The following FKBP4 variants were observed in gnomAD, a reference collection of about 807,000 sequenced individuals.
FKBP4 encodes FKBP prolyl isomerase 4.
FKBP4 carries 28 observed loss-of-function variants against 54.1 expected under a neutral mutation model. The observed-to-expected ratio is 0.52, with a 90% CI of 0.38 to 0.71. The LOEUF (loss-of-function observed/expected upper bound fraction) is 0.71, where lower values mean the gene tolerates loss of function less well. FKBP4 is among the 30% of genes least tolerant of loss of function. The probability of loss-of-function intolerance (pLI) is 0.00; values close to 1 mark genes in which losing one functional copy is unlikely to be tolerated. For missense variants in FKBP4, 493 were observed against 574.4 expected, an observed-to-expected ratio of 0.86 and a Z score of 1.45; for synonymous variants, 223 against 216.1, an observed-to-expected ratio of 1.03 and a Z score of -0.28.
rs756497175 is a variant in FKBP4 at position 2,800,121 on chromosome 12, A to G, written c.845A>G (p.Lys282Arg). 3.1e-6 allele frequency: 5 copies of G among 1,613,018 alleles called. No homozygotes were observed. The East Asian group carries it at 1.1e-4, about 36-fold the overall frequency. Residue 282 changes from lysine to arginine, a missense_variant and splice_region_variant, in exon 7 of 10, where the codon AAG (lysine) becomes AGG (arginine). Lys to Arg is a conservative substitution (Grantham distance 26, BLOSUM62 2). Coordinates refer to ENST00000001008, the MANE Select transcript of FKBP4 (RefSeq NM_002014.4). ...IVKERGTVYF[K>R]EGKYKQALLQ... ...AAAGAGCGGGGCACTGTGTACTTCA[A>G]GGTGAGCCAACAGTCATTGTCCTAA...
intron 1 of FKBP4, chr12:2,796,678 C>G: frequency 9.2e-7 from 1 of 1,086,268 alleles, no homozygotes; most frequent in South Asian, 2.5e-5. Context: ...GCTCTCCTGT[C>G]TCCAAACCAG....
At position 2,795,178 on chromosome 12, in the gene FKBP4, G is replaced by T. The variant is rs370568362; in HGVS notation, c.39G>T (p.Ala13=). 2.0e-5 allele frequency: 26 copies of T among 1,318,754 alleles called. No individual in the cohort carries two copies. The African/African-American group carries it at 3.6e-4, about 18-fold the overall frequency. The allele number at this position is 1,318,754 out of a possible 1,614,324, so 81.7% of individuals were successfully genotyped here. ...AGATGAAGGCGACCGAGAGCGGGGCGCAGTCGGCGCCGCTGCCCATGGAGG... is the reference window on the plus strand; with the variant it reads ...AGATGAAGGCGACCGAGAGCGGGGCTCAGTCGGCGCCGCTGCCCATGGAGG... ...AEEMKATESG[A]QSAPLPMEGV... Residue 13 remains alanine (A), a synonymous_variant, in exon 1 of 10, where the codon GCG becomes GCT. Transcript: ENST00000001008. This position sits in a 1 kb window ranked among gnomAD's most constrained non-coding sequence, Gnocchi z 4.3.
chr12:2,795,921 TGTA>T lies in FKBP4; in HGVS notation c.105+680_105+682del. ...GCCGGGCGCGGGGCATGCCGGGAGC[TGTA>T]GTCCCCTCCCCCCTCCGCCGCCTCC... On this transcript the variant is annotated intron_variant, in intron 1 of 9. Coordinates refer to ENST00000001008, the MANE Select transcript of FKBP4 (RefSeq NM_002014.4). This position sits in a 1 kb window ranked among gnomAD's most constrained non-coding sequence, Gnocchi z 4.3. 4 of 1,002,060 alleles carry T rather than the reference TGTA, an allele frequency of 4.0e-6. No individual in the cohort carries two copies. In the South Asian group the frequency reaches 1.6e-4, roughly 39 times the overall value. The allele number at this position is 1,002,060 out of a possible 1,614,324, so 62.1% of individuals were successfully genotyped here. A position where few individuals can be genotyped will look rare whatever the true frequency, so the allele number is the denominator to read the frequency against.
At chr12:2,799,014 G>C (rs2153919763) in intron 4 of FKBP4, 74 bp from the exon 5 acceptor site, 1 of 1,484,840 alleles carries the variant, frequency 6.7e-7, no homozygotes. Context: ...GGGTGATGCA[G>C]GGAGGCTGAT....
rs192048103 is a variant in FKBP4 at position 2,798,185 on chromosome 12, T to C, written c.393+314T>C. 1.3e-5 allele frequency among the ~76,000 whole-genome samples: 2 copies of C among 152,346 alleles called. No individual in the cohort carries two copies. Among genetic ancestry groups the C allele is most frequent in the East Asian group, 1.9e-4 (1 of 5,186 alleles). ...GGATGTCAGAAACTATGTCCCGTTA[T>C]AAATGGCAGTACAGAATATTGGTGC... is the stretch of plus-strand genomic sequence containing the variant. On this transcript the variant is annotated intron_variant, in intron 3 of 9. Coordinates refer to ENST00000001008, the MANE Select transcript of FKBP4 (RefSeq NM_002014.4). This position sits in a 1 kb window ranked among gnomAD's most constrained non-coding sequence, Gnocchi z 4.3.
rs559834421 is a variant in FKBP4, at chr12:2,804,973, T to C, written c.*1715T>C. 1.0e-5 allele frequency: 3 copies of C among 299,114 alleles called. No individual in the cohort carries two copies. The highest frequency in any genetic ancestry group is 6.6e-6 in the Non-Finnish European group (1 of 151,882). The allele number at this position is 299,114 out of a possible 1,614,324, so 18.5% of individuals were successfully genotyped here. On this transcript the variant is annotated 3_prime_UTR_variant, in exon 10 of 10. Transcript: ENST00000001008. ...CTGGGCTTACCTCACATCACAGCCC[T>C]GTGTTTGTGGTTTGTGTCTGGGTCC...
Position 2,805,226 on chromosome 12 carries a change from ACT to A in FKBP4, c.*1972_*1973del, listed in dbSNP as rs1322947585. ...AGGTGAGGTCTCTGAACTAATCCAG[ACT>A]CTCCCATGAGGTTCCTTTGGCAAGT... On this transcript the variant is annotated 3_prime_UTR_variant, in exon 10 of 10. Coordinates refer to ENST00000001008, the MANE Select transcript of FKBP4 (RefSeq NM_002014.4). 1 of 454,856 alleles carries A rather than the reference ACT, an allele frequency of 2.2e-6. No individual in the cohort carries two copies. The highest frequency in any genetic ancestry group is 2.0e-5 in the African/African-American group (1 of 50,018). The allele number at this position is 454,856 out of a possible 1,614,324, so 28.2% of individuals were successfully genotyped here. A position where few individuals can be genotyped will look rare whatever the true frequency, so the allele number is the denominator to read the frequency against.
rs781562456 is a variant in FKBP4 at position 2,799,262 on chromosome 12, C to T, written c.671+18C>T. ...AAGCCCAGGTGAGGGGTGGGCACTTCGTAGGGTAGGCAGGCAGGCAAACCA... is the reference window on the plus strand; with the variant it reads ...AAGCCCAGGTGAGGGGTGGGCACTTTGTAGGGTAGGCAGGCAGGCAAACCA... On this transcript the variant is annotated intron_variant, in intron 5 of 9. Coordinates refer to ENST00000001008, the MANE Select transcript of FKBP4 (RefSeq NM_002014.4). The T allele has an allele frequency of 1.7e-5, 25 of 1,467,614 alleles. No homozygotes were observed. Among genetic ancestry groups the T allele is most frequent in the Middle Eastern group, 1.8e-4 (1 of 5,488 alleles). The allele number at this position is 1,467,614 out of a possible 1,614,324, so 90.9% of individuals were successfully genotyped here.
intron 7 of FKBP4, 82 bp from the exon 8 acceptor site, chr12:2,800,310 A>G (rs975732526): frequency 1.2e-5 from 18 of 1,473,302 alleles, no homozygotes; most frequent in Non-Finnish European, 1.6e-5. Flanking sequence ...TCTTGTGGCC[A>G]TGTGTCACTG....
At chr12:2,796,263 A>G in intron 1 of FKBP4, 1 of 1,289,198 alleles carries the variant, frequency 7.8e-7, no homozygotes, top group Non-Finnish European at 1.0e-6. Context: ...TCTTTGCACC[A>G]GATTATTGGG....
chr12:2,796,432 C>T (rs1603481309), intron 1 of FKBP4: 3 of 1,268,674 alleles, frequency 2.4e-6, no homozygotes, highest in Middle Eastern at 2.2e-4. Flanking sequence ...CTCAAAGCCC[C>T]TGTCTATTCT....
rs116153013 is a variant in FKBP4 at position 2,801,592 on chromosome 12, T to C, written c.1272+236T>C. 1,219 of 622,666 alleles carry C rather than the reference T, an allele frequency of 2.0e-3. 12 individuals carry two copies. The highest frequency in any genetic ancestry group is 0.02 in the African/African-American group (1,077 of 55,064). The allele number at this position is 622,666 out of a possible 1,614,324, so 38.6% of individuals were successfully genotyped here. A position where few individuals can be genotyped will look rare whatever the true frequency, so the allele number is the denominator to read the frequency against. On this transcript the variant is annotated intron_variant, in intron 9 of 9. Coordinates refer to ENST00000001008, the MANE Select transcript of FKBP4 (RefSeq NM_002014.4). ...GGTTGCCCTGAGTGTAATTCCCGAT[T>C]TATGTTTTCTTGTGGGCCAGGCGCC...
Position 2,795,023 on chromosome 12 carries a change from G to C in FKBP4, c.-117G>C. 2.1e-6 allele frequency: 1 copy of C among 473,456 alleles called. No homozygotes were observed. Among genetic ancestry groups the C allele is most frequent in the Non-Finnish European group, 3.2e-6 (1 of 308,960 alleles). 29.3% of individuals were successfully genotyped at this position (473,456 alleles called of 1,614,324 possible). A position where few individuals can be genotyped will look rare whatever the true frequency, so the allele number is the denominator to read the frequency against. ...AGGTGCTCAAGCCTCCTCGCGGTCC[G>C]CAGTCAGTGCCGCCGCGCCCGGCCT... On this transcript the variant is annotated 5_prime_UTR_variant, in exon 1 of 10. Coordinates refer to ENST00000001008, the MANE Select transcript of FKBP4 (RefSeq NM_002014.4). This position sits in a 1 kb window ranked among gnomAD's most constrained non-coding sequence, Gnocchi z 4.3.
Position 2,798,014 on chromosome 12 carries a change from G to T in FKBP4, c.393+143G>T. On this transcript the variant is annotated intron_variant, in intron 3 of 9. Coordinates refer to ENST00000001008, the MANE Select transcript of FKBP4 (RefSeq NM_002014.4). This position sits in a 1 kb window ranked among gnomAD's most constrained non-coding sequence, Gnocchi z 4.3. Reference sequence around the variant, plus strand: ...GGCCTTATGGGAGGAGAAATGCAGAGGGCTCTGCTGCTGCTAGTAATGGAA... The same window carrying T: ...GGCCTTATGGGAGGAGAAATGCAGATGGCTCTGCTGCTGCTAGTAATGGAA... 9.9e-7 allele frequency: 1 copy of T among 1,010,900 alleles called. No homozygotes were observed. Among genetic ancestry groups the T allele is most frequent in the Non-Finnish European group, 1.4e-6 (1 of 696,348 alleles). 62.6% of individuals were successfully genotyped at this position (1,010,900 alleles called of 1,614,324 possible). A position where few individuals can be genotyped will look rare whatever the true frequency, so the allele number is the denominator to read the frequency against.
rs2097901538 is a variant in FKBP4 at position 2,795,910 on chromosome 12, A to T, written c.105+666A>T. The stretch of plus-strand genomic sequence containing the variant: ...GCCCCGGGGAGGCCGGGCGCGGGGC[A>T]TGCCGGGAGCTGTAGTCCCCTCCCC... On this transcript the variant is annotated intron_variant, in intron 1 of 9. Transcript: ENST00000001008. The surrounding 1 kb of genome is among the most constrained non-coding windows in gnomAD (Gnocchi z 4.3). 1.0e-6 allele frequency: 1 copy of T among 983,020 alleles called. No individual in the cohort carries two copies. Among genetic ancestry groups the T allele is most frequent in the South Asian group, 4.4e-5 (1 of 22,592 alleles). 60.9% of individuals were successfully genotyped at this position (983,020 alleles called of 1,614,324 possible).
Position 2,795,087 on chromosome 12 carries a change from A to G in FKBP4, c.-53A>G. 2.6e-6 allele frequency: 3 copies of G among 1,157,450 alleles called. No individual in the cohort carries two copies. Among genetic ancestry groups the G allele is most frequent in the Non-Finnish European group, 3.3e-6 (3 of 904,218 alleles). 71.7% of individuals were successfully genotyped at this position (1,157,450 alleles called of 1,614,324 possible). A position where few individuals can be genotyped will look rare whatever the true frequency, so the allele number is the denominator to read the frequency against. On this transcript the variant is annotated 5_prime_UTR_variant, in exon 1 of 10. Transcript: ENST00000001008. This position sits in a 1 kb window ranked among gnomAD's most constrained non-coding sequence, Gnocchi z 4.3. ...CAGGTAGCGCCCCCGCCCGCGGCCC[A>G]GAGTGCGCTCGCGCCGGCACCAGCT...
rs891129370 is a variant in FKBP4 at position 2,795,022 on chromosome 12, C to T, written c.-118C>T. ...GAGGTGCTCAAGCCTCCTCGCGGTC[C>T]GCAGTCAGTGCCGCCGCGCCCGGCC... On this transcript the variant is annotated 5_prime_UTR_variant, in exon 1 of 10. Transcript: ENST00000001008. The surrounding 1 kb of genome is among the most constrained non-coding windows in gnomAD (Gnocchi z 4.3). The T allele has an allele frequency of 1.3e-5, 6 of 469,130 alleles. No individual in the cohort carries two copies. The highest frequency in any genetic ancestry group is 2.1e-5 in the African/African-American group (1 of 48,488). 29.1% of individuals were successfully genotyped at this position (469,130 alleles called of 1,614,324 possible). A position where few individuals can be genotyped will look rare whatever the true frequency, so the allele number is the denominator to read the frequency against.
intron 1 of FKBP4, chr12:2,796,557 C>A (rs1423776461): frequency 1.7e-6 from 2 of 1,187,616 alleles, no homozygotes; most frequent in Non-Finnish European, 2.1e-6. Context: ...GAATACTCAG[C>A]TCCCAAGTCA....
intron 9 of FKBP4, chr12:2,801,827 A>AT: frequency 3.2e-6 from 1 of 316,138 alleles, no homozygotes; most frequent in South Asian, 2.6e-5. Flanking sequence ...AAACTGTACC[A>AT]AAGTATACAG....
Sources: allele counts gnomAD v4.1 joint callset (sites outside exome capture counted in the v4.1 genomes callset), GRCh38; gene constraint gnomAD v4.1.1; non-coding constraint Gnocchi (gnomAD v3.1); transcripts MANE v1.5; gene names NCBI Gene and HGNC (gene_info 2026-07-23, HGNC 2026-07-21).